Variants in B4GALNT3 observed in about 807,000 individuals in gnomAD.
B4GALNT3 encodes the protein beta-1,4-N-acetyl-galactosaminyltransferase 3.
A neutral mutation model predicts 120.2 loss-of-function variants in B4GALNT3; 86 were observed. The ratio of observed to expected loss-of-function variants is 0.72; its 90% CI spans 0.60 to 0.86. The LOEUF (loss-of-function observed/expected upper bound fraction) is 0.86, where lower values mean the gene tolerates loss of function less well. B4GALNT3 is among the 40% of genes least tolerant of loss of function. The pLI is 0.00. For missense variants in B4GALNT3, 1,167 were observed against 1,298.9 expected, an observed-to-expected ratio of 0.90 and a Z score of 1.56; for synonymous variants, 518 against 510.4, an observed-to-expected ratio of 1.01 and a Z score of -0.20.
intron 1 of B4GALNT3, among the ~76,000 whole-genome samples, chr12:512,379 A>C (rs1261017409): frequency 1.1e-5 from 1 of 87,616 alleles, no homozygotes; most frequent in Non-Finnish European, 2.2e-5. Context: ...TCCACCTTCC[A>C]CCTTCCACCT....
chr12:550,255 G>A lies in B4GALNT3; in HGVS notation c.997+343G>A, dbSNP rs530405623. On this transcript the variant is annotated intron_variant, in intron 10 of 19. Transcript: ENST00000266383. This position sits in a 1 kb window ranked among gnomAD's most constrained non-coding sequence, Gnocchi z 4.1. ...CTGCATTCCAACTCTTGTCATCCAAGGAGAGAAATACGTGGACACCACAGT... is the reference window on the plus strand; with the variant it reads ...CTGCATTCCAACTCTTGTCATCCAAAGAGAGAAATACGTGGACACCACAGT... 5.9e-5 allele frequency among the ~76,000 whole-genome samples: 9 copies of A among 152,290 alleles called. No homozygotes were observed. Among genetic ancestry groups the A allele is most frequent in the Admixed American group, 3.9e-4 (6 of 15,302 alleles).
At chr12:560,602 C>T (rs756727161) in intron 19 of B4GALNT3, among the ~76,000 whole-genome samples, 2 of 152,158 alleles carry the variant, frequency 1.3e-5, no homozygotes, top group South Asian at 2.1e-4. Flanking sequence ...GGTAAAGGAA[C>T]GTAGATAACT....
intron 16 of B4GALNT3, 115 bp from the exon 17 acceptor site, chr12:557,901 T>C: frequency 6.8e-7 from 1 of 1,465,536 alleles, no homozygotes; most frequent in Non-Finnish European, 9.4e-7. Context: ...AGGGCTCACC[T>C]GCCCATAATC....
chr12:512,199 C>T (rs1387031657), intron 1 of B4GALNT3, among the ~76,000 whole-genome samples: 3 of 83,378 alleles, frequency 3.6e-5, no homozygotes, highest in Non-Finnish European at 7.3e-5. Context: ...TTCCGCCTTC[C>T]ACCTTCCACC....
intron 1 of B4GALNT3, among the ~76,000 whole-genome samples, chr12:505,121 T>A (rs1946484246): frequency 1.3e-5 from 2 of 152,234 alleles, no homozygotes; most frequent in South Asian, 4.2e-4. Flanking sequence ...CTCAATCTCC[T>A]GACCTTGTGA....
intron 1 of B4GALNT3, among the ~76,000 whole-genome samples, chr12:499,408 C>A (rs1175405276): frequency 6.7e-6 from 1 of 149,502 alleles, no homozygotes; most frequent in African/African-American, 2.5e-5. Context: ...ACAGTCCTAG[C>A]CCGTGGAGCC....
intron 1 of B4GALNT3, among the ~76,000 whole-genome samples, chr12:481,753 T>G (rs948154895): frequency 6.6e-6 from 1 of 152,110 alleles, no homozygotes; most frequent in African/African-American, 2.4e-5. Flanking sequence ...CAGGGAGCCC[T>G]GGACACAGCG....
intron 1 of B4GALNT3, among the ~76,000 whole-genome samples, chr12:471,349 C>T (rs1297682678): frequency 6.6e-6 from 1 of 150,404 alleles, no homozygotes; most frequent in Non-Finnish European, 1.5e-5. Context: ...TGTGCCACTG[C>T]ACTCCAACGT....
intron 1 of B4GALNT3, among the ~76,000 whole-genome samples, chr12:525,311 G>A (rs573987063): frequency 3.3e-5 from 5 of 152,200 alleles, no homozygotes; most frequent in South Asian, 4.2e-4. Context: ...GTTTCACCAT[G>A]TTGGTCAGGC....
At chr12:525,255 A>T (rs11836061) in intron 1 of B4GALNT3, among the ~76,000 whole-genome samples, 56,741 of 151,594 alleles carry the variant, frequency 0.37, 11,645 homozygotes, top group East Asian at 0.65. Flanking sequence ...ATTACAGGTA[A>T]GCACCACCAC....
At chr12:529,173 C>T (rs1946783540) in intron 1 of B4GALNT3, among the ~76,000 whole-genome samples, 1 of 152,172 alleles carries the variant, frequency 6.6e-6, no homozygotes, top group Non-Finnish European at 1.5e-5. Flanking sequence ...CCCAAAAGAG[C>T]TTCAGAAAGA....
chr12:489,680 C>T (rs113963888), intron 1 of B4GALNT3, among the ~76,000 whole-genome samples: 1 of 152,240 alleles, frequency 6.6e-6, no homozygotes, highest in East Asian at 1.9e-4. Context: ...AAGACTTCAA[C>T]ATCTCTCTAG....
chr12:479,083 C>G (rs903165462), intron 1 of B4GALNT3, among the ~76,000 whole-genome samples: 7 of 152,320 alleles, frequency 4.6e-5, no homozygotes, highest in Admixed American at 3.9e-4. Flanking sequence ...ATCAAGGCTT[C>G]TGACTCAGCT....
intron 1 of B4GALNT3, among the ~76,000 whole-genome samples, chr12:519,622 GATCAGAGTCATCCATCCC>G (rs1298957093): frequency 7.0e-6 from 1 of 141,924 alleles, no homozygotes; most frequent in Non-Finnish European, 1.5e-5. Context: ...TTCCGGTAAG[GATCAGAGTCATCCATCCC>G]ATCCCAAGCA....
Position 533,831 on chromosome 12 carries a change from C to T in B4GALNT3, c.170-1335C>T, listed in dbSNP as rs541533656. On this transcript the variant is annotated intron_variant, in intron 1 of 19. Transcript: ENST00000266383. ...CTCTCACCCCACACCTGCATTTCAGCGTGCAGCCCCTGATCCCACCCCTCC... is the reference window on the plus strand; with the variant it reads ...CTCTCACCCCACACCTGCATTTCAGTGTGCAGCCCCTGATCCCACCCCTCC... 2.7e-4 allele frequency among the ~76,000 whole-genome samples: 41 copies of T among 152,356 alleles called. 2 individuals are homozygous for T. The South Asian group carries it at 2.9e-3, about 11-fold the overall frequency.
In B4GALNT3 at chr12:491,517, C is replaced by T. The variant is rs780911180; in HGVS notation, c.169+30972C>T. Among the ~76,000 whole-genome samples the T allele has an allele frequency of 4.6e-5, 7 of 151,432 alleles. No individual in the cohort carries two copies. In the East Asian group the frequency reaches 7.8e-4, roughly 17 times the overall value. ...GCTAATTTTTGTATTTTTGTAGAGA[C>T]GGGGTTTTGCCATGTTGCCCAGGCT... On this transcript the variant is annotated intron_variant, in intron 1 of 19. Transcript: ENST00000266383.
chr12:512,164 C>G (rs1222762134), intron 1 of B4GALNT3, among the ~76,000 whole-genome samples: 2 of 97,070 alleles, frequency 2.1e-5, no homozygotes, highest in Non-Finnish European at 1.9e-5. Flanking sequence ...TTCCGCCTTC[C>G]ACCTTCCGCC....
chr12:531,103 T>G (rs1001477255), intron 1 of B4GALNT3, among the ~76,000 whole-genome samples: 1 of 151,990 alleles, frequency 6.6e-6, no homozygotes, highest in Non-Finnish European at 1.5e-5. Flanking sequence ...AGCTCCACAT[T>G]CCCCCAGGGG....
intron 1 of B4GALNT3, among the ~76,000 whole-genome samples, chr12:511,122 C>G (rs902380112): frequency 7.1e-6 from 1 of 141,596 alleles, no homozygotes; most frequent in Non-Finnish European, 1.5e-5. Context: ...TTCTGCCTGC[C>G]AAGCTCAAGG....
Sources: gnomAD v4.1 joint callset for allele counts (sites outside exome capture counted in the v4.1 genomes callset) on GRCh38, gnomAD v4.1.1 for gene constraint, Gnocchi (gnomAD v3.1) non-coding constraint, MANE v1.5 for transcripts, NCBI Gene and HGNC (gene_info 2026-07-23, HGNC 2026-07-21) for gene names.